The following NEDD9 variants were observed in gnomAD, a reference collection of about 807,000 sequenced individuals.
NEDD9 encodes the protein neural precursor cell expressed, developmentally down-regulated 9.
In NEDD9, 26 loss-of-function variants were observed where a neutral mutation model predicts 76.6. That is an observed-to-expected ratio of 0.34 (90% CI 0.25 to 0.47). NEDD9 has a LOEUF of 0.47. NEDD9 is among the 20% of genes least tolerant of loss of function. The pLI is 1.00. For missense variants in NEDD9, 937 were observed against 1,058.5 expected, an observed-to-expected ratio of 0.89 and a Z score of 1.59; for synonymous variants, 392 against 414.2, an observed-to-expected ratio of 0.95 and a Z score of 0.65.
chr6:11,189,875 G>A, intron 5 of NEDD9, 89 bp downstream of exon 5: 2 of 1,427,308 alleles, frequency 1.4e-6, no homozygotes, highest in Non-Finnish European at 1.9e-6. Flanking sequence ...CTCTCCTTTG[G>A]CAGTCCAACC....
chr6:11,305,260 C>T (rs1191998047), intron 3 of NEDD9: 1 of 644,418 alleles, frequency 1.6e-6, no homozygotes, highest in Non-Finnish European at 2.3e-6. Context: ...TCATTTCATC[C>T]TCTGAACAAT....
In NEDD9 at chr6:11,204,612, C is replaced by T. The variant is rs542154109; in HGVS notation, c.459+8669G>A. On this transcript the variant is annotated intron_variant, in intron 2 of 6. Transcript: ENST00000379446. ...GTGCGCACCCATAGTCCCAGCTACT[C>T]GGGAGGCTAAGGCAGGAGAATCACT... Among the ~76,000 whole-genome samples the T allele has an allele frequency of 1.8e-4, 27 of 148,176 alleles. No individual in the cohort carries two copies. In the South Asian group the frequency reaches 2.2e-3, roughly 12 times the overall value.
intron 1 of NEDD9, among the ~76,000 whole-genome samples, chr6:11,365,910 G>A (rs775223848): frequency 2.6e-5 from 4 of 152,152 alleles, no homozygotes; most frequent in Non-Finnish European, 5.9e-5. Flanking sequence ...AGAATCACTT[G>A]AGCCCAGGAG....
intron 2 of NEDD9, among the ~76,000 whole-genome samples, chr6:11,326,205 G>T (rs997680160): frequency 1.3e-5 from 2 of 151,184 alleles, no homozygotes; most frequent in African/African-American, 4.9e-5. Context: ...TCCCAAGTCC[G>T]CTGGACTTTG....
chr6:11,342,444 T>C (rs1433894001), intron 1 of NEDD9, among the ~76,000 whole-genome samples: 1 of 152,014 alleles, frequency 6.6e-6, no homozygotes, highest in Non-Finnish European at 1.5e-5. Context: ...AAAAGACACA[T>C]ACAGAGGAAC....
chr6:11,269,201 G>A (rs948533941), intron 3 of NEDD9, among the ~76,000 whole-genome samples: 1 of 152,210 alleles, frequency 6.6e-6, no homozygotes, highest in African/African-American at 2.4e-5. Flanking sequence ...TGTCTGGTTA[G>A]GTGACAGGTC....
At chr6:11,333,861 A>G (rs1442001333) in intron 2 of NEDD9, among the ~76,000 whole-genome samples, 1 of 152,230 alleles carries the variant, frequency 6.6e-6, no homozygotes, top group Non-Finnish European at 1.5e-5. Context: ...ACCATCGTTG[A>G]GGTTGAATGT....
At chr6:11,280,352 C>G (rs1760509514) in intron 3 of NEDD9, among the ~76,000 whole-genome samples, 1 of 152,200 alleles carries the variant, frequency 6.6e-6, no homozygotes, top group African/African-American at 2.4e-5. Flanking sequence ...CTGTTGTCCT[C>G]TATCTAAAGT....
intron 2 of NEDD9, among the ~76,000 whole-genome samples, chr6:11,311,022 T>C (rs6917014): frequency 0.38 from 57,310 of 151,924 alleles, 11,358 homozygotes; most frequent in East Asian, 0.72. Flanking sequence ...TTGCCTTCTA[T>C]GGGACTTTTC....
chr6:11,315,599 A>G (rs1427542126), intron 2 of NEDD9, among the ~76,000 whole-genome samples: 4 of 152,340 alleles, frequency 2.6e-5, no homozygotes, highest in Non-Finnish European at 4.4e-5. Flanking sequence ...GTTTGGCTCA[A>G]TTTAACCAGT....
chr6:11,294,248 G>C (rs4713352), intron 3 of NEDD9, among the ~76,000 whole-genome samples: 44,543 of 151,986 alleles, frequency 0.29, 8,597 homozygotes, highest in African/African-American at 0.56. Context: ...TGAGGAACCT[G>C]CATGCTGTGT....
intron 2 of NEDD9, among the ~76,000 whole-genome samples, chr6:11,207,709 C>T (rs1267286181): frequency 1.3e-5 from 2 of 152,162 alleles, no homozygotes; most frequent in Non-Finnish European, 2.9e-5. Context: ...GAATATACAA[C>T]ACATTCTGGG....
chr6:11,209,304 G>A (rs1334740371), intron 2 of NEDD9, among the ~76,000 whole-genome samples: 1 of 152,086 alleles, frequency 6.6e-6, no homozygotes, highest in Non-Finnish European at 1.5e-5. Flanking sequence ...TGGATAAAAC[G>A]GCCCTGTGCA....
chr6:11,320,308 G>A (rs1286609061), intron 2 of NEDD9, among the ~76,000 whole-genome samples: 2 of 152,198 alleles, frequency 1.3e-5, no homozygotes, highest in Non-Finnish European at 1.5e-5. Flanking sequence ...TGATGGTTGT[G>A]GCTTGGGAAG....
chr6:11,213,190 A>G lies in NEDD9; in HGVS notation c.459+91T>C, dbSNP rs1318567547. ...TTATATCTACTTCTTGGCAGCTTCA[A>G]GTTATTAATTTGGGAACATTTCCAA... On this transcript the variant is annotated intron_variant, in intron 2 of 6. Coordinates refer to ENST00000379446, the MANE Select transcript of NEDD9 (RefSeq NM_006403.4). The surrounding 1 kb of genome is among the most constrained non-coding windows in gnomAD (Gnocchi z 5.4). The G allele has an allele frequency of 4.9e-6, 6 of 1,212,752 alleles. No individual in the cohort carries two copies. Among genetic ancestry groups the G allele is most frequent in the Admixed American group, 2.7e-5 (1 of 37,454 alleles). The allele number at this position is 1,212,752 out of a possible 1,614,324, so 75.1% of individuals were successfully genotyped here.
intron 1 of NEDD9, among the ~76,000 whole-genome samples, chr6:11,364,057 C>T (rs1306012059): frequency 6.6e-6 from 1 of 152,146 alleles, no homozygotes. Context: ...ATGAGTGGCT[C>T]ACTGTGACTT....
In NEDD9 at chr6:11,213,163, G is replaced by A; in HGVS notation, c.459+118C>T. 1 of 930,750 alleles carries A rather than the reference G, an allele frequency of 1.1e-6. No homozygotes were observed. The highest frequency in any genetic ancestry group is 1.6e-6 in the Non-Finnish European group (1 of 624,882). The allele number at this position is 930,750 out of a possible 1,614,324, so 57.7% of individuals were successfully genotyped here. On this transcript the variant is annotated intron_variant, in intron 2 of 6. Coordinates refer to ENST00000379446, the MANE Select transcript of NEDD9 (RefSeq NM_006403.4). The surrounding 1 kb of genome is among the most constrained non-coding windows in gnomAD (Gnocchi z 5.4). The stretch of plus-strand genomic sequence containing the variant: ...AACATGATGCCTGAGCTAAGGTATT[G>A]GTTATATCTACTTCTTGGCAGCTTC...
intron 2 of NEDD9, among the ~76,000 whole-genome samples, chr6:11,325,919 G>T (rs1428469359): frequency 6.6e-6 from 1 of 152,200 alleles, no homozygotes; most frequent in African/African-American, 2.4e-5. Flanking sequence ...GCCGAGGCGG[G>T]CGGATCACCT....
At chr6:11,357,722 A>C (rs56711429) in intron 1 of NEDD9, among the ~76,000 whole-genome samples, 32,316 of 152,194 alleles carry the variant, frequency 0.21, 3,604 homozygotes, top group African/African-American at 0.28. Context: ...AGTCCCAATG[A>C]CCCTAAGAAA....
Sources: allele counts gnomAD v4.1 joint callset (sites outside exome capture counted in the v4.1 genomes callset), GRCh38; gene constraint gnomAD v4.1.1; non-coding constraint Gnocchi (gnomAD v3.1); transcripts MANE v1.5; gene names NCBI Gene and HGNC (gene_info 2026-07-23, HGNC 2026-07-21).